Variants in PHIP observed in about 807,000 individuals in gnomAD.
The protein encoded by PHIP is PH-interacting protein.
In PHIP, 54 loss-of-function variants were observed where a neutral mutation model predicts 236.8. The observed-to-expected ratio is 0.23, with a 90% CI of 0.18 to 0.29. The LOEUF (loss-of-function observed/expected upper bound fraction) is 0.29. Among genes scored for constraint, PHIP ranks in the 10% least tolerant of loss-of-function variants. The pLI, the probability that PHIP is intolerant of heterozygous loss-of-function variation, is 1.00. For synonymous variants in PHIP, 756 were observed against 718.9 expected (o/e 1.05, Z -0.83); for missense variants, 1,370 against 2,190.8 (o/e 0.63, Z 7.48).
intron 7 of PHIP, among the ~76,000 whole-genome samples, chr6:79,031,941 T>C (rs752506348): frequency 3.9e-5 from 6 of 152,196 alleles, no homozygotes; most frequent in Admixed American, 6.5e-5. Context: ...AAAACAAATA[T>C]AGTCATACTT....
intron 23 of PHIP, among the ~76,000 whole-genome samples, chr6:78,979,130 C>T (rs1322715787): frequency 6.6e-6 from 1 of 152,062 alleles, no homozygotes; most frequent in African/African-American, 2.4e-5. Flanking sequence ...TTGTTATCTG[C>T]AGGGGTCTTG....
At chr6:79,029,738 C>T (rs377578585) in intron 7 of PHIP, among the ~76,000 whole-genome samples, 92 of 152,250 alleles carry the variant, frequency 6.0e-4, no homozygotes, top group African/African-American at 2.0e-3. Context: ...CCCTGGTGAC[C>T]AGGCTGGTCT....
At chr6:79,024,360 T>C (rs752752303) in intron 9 of PHIP, among the ~76,000 whole-genome samples, 7 of 152,220 alleles carry the variant, frequency 4.6e-5, no homozygotes, top group Non-Finnish European at 8.8e-5. Flanking sequence ...TACCTTCTAA[T>C]CTGAATGACT....
intron 10 of PHIP, among the ~76,000 whole-genome samples, chr6:79,017,809 C>T (rs1770905850): frequency 6.6e-6 from 1 of 151,824 alleles, no homozygotes; most frequent in Non-Finnish European, 1.5e-5. Context: ...AGAAGTAAAG[C>T]TTTGCTCAAA....
intron 21 of PHIP, among the ~76,000 whole-genome samples, chr6:78,985,761 G>T (rs1195881431): frequency 6.6e-6 from 1 of 152,074 alleles, no homozygotes; most frequent in Non-Finnish European, 1.5e-5. Context: ...GGAATTGCTT[G>T]AACCCAGGAG....
chr6:79,016,408 T>C (rs560388901), intron 13 of PHIP, 136 bp downstream of exon 13: 4 of 455,302 alleles, frequency 8.8e-6, no homozygotes, highest in Admixed American at 3.9e-5. Context: ...TCATCTCCAA[T>C]TGTACCTCTA....
At chr6:79,005,175 T>G (rs1487308699) in intron 15 of PHIP, among the ~76,000 whole-genome samples, 10 of 151,814 alleles carry the variant, frequency 6.6e-5, no homozygotes. Flanking sequence ...ACACAAAAAC[T>G]TAGAAAAGAA....
intron 36 of PHIP, 146 bp from the exon 37 acceptor site, chr6:78,947,020 T>C (rs937547662): frequency 5.3e-5 from 27 of 509,392 alleles, no homozygotes; most frequent in Middle Eastern, 4.8e-4. Context: ...AATCTTTTGA[T>C]GAAAAGGTAA....
At chr6:78,944,964 T>A (rs766905699) in intron 39 of PHIP, among the ~76,000 whole-genome samples, 1 of 131,450 alleles carries the variant, frequency 7.6e-6, no homozygotes, top group Non-Finnish European at 1.7e-5. Context: ...TAAAAGTCAG[T>A]CTAGAAAAAT....
chr6:78,983,323 A>C (rs925455904), intron 22 of PHIP, among the ~76,000 whole-genome samples: 1 of 152,170 alleles, frequency 6.6e-6, no homozygotes, highest in African/African-American at 2.4e-5. Flanking sequence ...AAACTCCCCC[A>C]AAACCTGAAG....
intron 4 of PHIP, among the ~76,000 whole-genome samples, chr6:79,074,381 T>C (rs72904885): frequency 0.011 from 1,744 of 152,094 alleles, 26 homozygotes; most frequent in South Asian, 0.022. Context: ...AAGTGACAAC[T>C]AGAAAGCAGA....
intron 30 of PHIP, among the ~76,000 whole-genome samples, chr6:78,962,656 CAG>C (rs1280051164): frequency 6.6e-6 from 1 of 152,024 alleles, no homozygotes; most frequent in Non-Finnish European, 1.5e-5. Context: ...TTTAACAAGG[CAG>C]AGCAATTAAT....
At chr6:78,965,212 T>C (rs10943608) in intron 29 of PHIP, among the ~76,000 whole-genome samples, 51,101 of 152,046 alleles carry the variant, frequency 0.34, 9,985 homozygotes, top group East Asian at 0.69. Flanking sequence ...ATCTTCAAAG[T>C]AGCCCTATAA....
At chr6:79,019,196 A>G in intron 9 of PHIP, 37 bp from the exon 10 acceptor site, 1 of 1,404,360 alleles carries the variant, frequency 7.1e-7, no homozygotes, top group Non-Finnish European at 1.0e-6. Context: ...AAATATCCTA[A>G]AGGAACCAGT....
chr6:78,989,102 TTAA>T (rs1480275809), intron 20 of PHIP, among the ~76,000 whole-genome samples: 14 of 149,668 alleles, frequency 9.4e-5, no homozygotes, highest in African/African-American at 3.4e-4. Context: ...CACAAAAAAC[TTAA>T]TAAAGCTATC....
chr6:78,953,530 A>T (rs944651096), intron 35 of PHIP, among the ~76,000 whole-genome samples: 1 of 152,250 alleles, frequency 6.6e-6, no homozygotes. Flanking sequence ...AATGAAAGCC[A>T]GAACATTATA....
chr6:78,989,766 GGTA>G (rs1769101250), intron 20 of PHIP, among the ~76,000 whole-genome samples: 1 of 151,968 alleles, frequency 6.6e-6, no homozygotes, highest in African/African-American at 2.4e-5. Context: ...CATCCATAAA[GGTA>G]GTAGCAAGCA....
Position 78,946,767 on chromosome 6 carries a change from G to A in PHIP, c.4314C>T (p.Thr1438=). ...ALRFHKRNTI[T]KRRKKRNRSS... is the part of the protein sequence containing the mutation. Reference sequence around the variant, plus strand: ...TTCTGTTTCTTTTCTTCCTCCTTTTGGTTATGGTATTTCTTTTATGAAAAC... The same window carrying A: ...TTCTGTTTCTTTTCTTCCTCCTTTTAGTTATGGTATTTCTTTTATGAAAAC... Residue 1438 remains threonine, a synonymous_variant, in exon 37 of 40, where the codon ACC becomes ACT. Transcript: ENST00000275034. 2 of 1,590,762 alleles carry A rather than the reference G, an allele frequency of 1.3e-6. No individual in the cohort carries two copies. Among genetic ancestry groups the A allele is most frequent in the Non-Finnish European group, 8.5e-7 (1 of 1,171,084 alleles).
At position 79,010,862 on chromosome 6, in the gene PHIP, G is replaced by A. The variant is rs76063955; in HGVS notation, c.1524+4220C>T. On this transcript the variant is annotated intron_variant, in intron 15 of 39. Coordinates refer to ENST00000275034, the MANE Select transcript of PHIP (RefSeq NM_017934.7). ...ATTTAATATTCATTTAGTTAAACTC[G>A]TAGTTAAAACTTAGCTGTCCGGTGC... 7.2e-3 allele frequency among the ~76,000 whole-genome samples: 1,098 copies of A among 151,818 alleles called. 16 individuals are homozygous for A. The highest frequency in any genetic ancestry group is 0.025 in the African/African-American group (1,020 of 41,462).
Sources: gnomAD v4.1 joint callset for allele counts (sites outside exome capture counted in the v4.1 genomes callset) on GRCh38, gnomAD v4.1.1 for gene constraint, MANE v1.5 for transcripts, NCBI Gene and HGNC (gene_info 2026-07-23, HGNC 2026-07-21) for gene names.